MEIKIN: variants seen among roughly 807,000 people sequenced by gnomAD.
MEIKIN encodes meiotic kinetochore factor.
intron 11 of MEIKIN, among the ~76,000 whole-genome samples, chr5:131,842,282 G>A (rs1251684600): frequency 2.0e-5 from 3 of 152,050 alleles, no homozygotes; most frequent in Admixed American, 1.3e-4. Context: ...TTTTCAATGT[G>A]GATGCTTTTT....
chr5:131,890,134 T>C (rs1011085092), intron 8 of MEIKIN, among the ~76,000 whole-genome samples: 1 of 152,216 alleles, frequency 6.6e-6, no homozygotes, highest in African/African-American at 2.4e-5. Flanking sequence ...TTGAGGATTT[T>C]TGCGAAGGAT....
At chr5:131,927,459 T>C (rs1293936342) in intron 5 of MEIKIN, among the ~76,000 whole-genome samples, 2 of 152,224 alleles carry the variant, frequency 1.3e-5, no homozygotes, top group East Asian at 3.8e-4. Flanking sequence ...TAGAATGTTT[T>C]GTATACATGT....
chr5:131,833,876 G>A (rs981915372), intron 11 of MEIKIN, among the ~76,000 whole-genome samples: 3 of 152,138 alleles, frequency 2.0e-5, no homozygotes, highest in South Asian at 2.1e-4. Flanking sequence ...CAAGCTCTAC[G>A]AAGAAAATGT....
chr5:131,868,739 G>T (rs1271707661), intron 9 of MEIKIN, among the ~76,000 whole-genome samples: 1 of 151,038 alleles, frequency 6.6e-6, no homozygotes, highest in African/African-American at 2.4e-5. Flanking sequence ...AAAAAATGTT[G>T]CCCAGGCTTG....
intron 8 of MEIKIN, among the ~76,000 whole-genome samples, chr5:131,881,618 C>T (rs1383155452): frequency 6.6e-6 from 1 of 152,154 alleles, no homozygotes; most frequent in East Asian, 1.9e-4. Flanking sequence ...GCCTTCATGA[C>T]ATCTCCACTT....
At chr5:131,828,378 G>T (rs1006531923) in intron 11 of MEIKIN, among the ~76,000 whole-genome samples, 1 of 152,016 alleles carries the variant, frequency 6.6e-6, no homozygotes, top group Admixed American at 6.6e-5. Flanking sequence ...GCCCAGGCTG[G>T]TCTTGAACTC....
intron 11 of MEIKIN, among the ~76,000 whole-genome samples, chr5:131,846,054 T>A (rs1750013139): frequency 6.6e-6 from 1 of 152,200 alleles, no homozygotes; most frequent in Non-Finnish European, 1.5e-5. Flanking sequence ...ACACAAGGGA[T>A]CTTTATAAGA....
chr5:131,858,789 AAAG>A (rs1335268715), intron 9 of MEIKIN, among the ~76,000 whole-genome samples: 6 of 152,254 alleles, frequency 3.9e-5, no homozygotes, highest in Admixed American at 3.9e-4. Flanking sequence ...GACATTATCA[AAAG>A]AAGATATATG....
At chr5:131,809,121 C>A (rs1224609411) in intron 12 of MEIKIN, among the ~76,000 whole-genome samples, 1 of 152,164 alleles carries the variant, frequency 6.6e-6, no homozygotes, top group African/African-American at 2.4e-5. Flanking sequence ...ACATATCTGA[C>A]TTCCTCTATG....
At chr5:131,879,181 T>G (rs1750663446) in intron 8 of MEIKIN, 133 bp from the exon 9 acceptor site, 2 of 390,136 alleles carry the variant, frequency 5.1e-6, no homozygotes, top group Non-Finnish European at 9.0e-6. Flanking sequence ...TGACTGCACC[T>G]TTGTCAATAA....
chr5:131,923,544 T>A (rs984944748), intron 5 of MEIKIN, among the ~76,000 whole-genome samples: 1 of 151,048 alleles, frequency 6.6e-6, no homozygotes, highest in African/African-American at 2.4e-5. Context: ...TTTTTTCTTA[T>A]GATTTTTTTT....
In MEIKIN at chr5:131,925,054, T is replaced by A. The variant is rs1751565782; in HGVS notation, c.479-3113A>T. Among the ~76,000 whole-genome samples, 7 of 152,242 alleles carry A rather than the reference T, an allele frequency of 4.6e-5. No individual in the cohort carries two copies. In the South Asian group the frequency reaches 1.4e-3, roughly 32 times the overall value. On this transcript the variant is annotated intron_variant, in intron 5 of 12. Coordinates refer to ENST00000442687, the MANE Select transcript of MEIKIN (RefSeq NM_001303622.2). The stretch of plus-strand genomic sequence containing the variant: ...GTATGTGGATATTCAGTTTTCCCAA[T>A]AGCATTTGTTGAAGAAAGTATCCTT...
chr5:131,884,370 G>A (rs7735064), intron 8 of MEIKIN, among the ~76,000 whole-genome samples: 21,055 of 152,034 alleles, frequency 0.14, 3,784 homozygotes, highest in African/African-American at 0.42. Context: ...CAGCAGGGTA[G>A]GGTACCAGGA....
chr5:131,876,478 T>C (rs558856440), intron 9 of MEIKIN, among the ~76,000 whole-genome samples: 1,707 of 146,962 alleles, frequency 0.012, 23 homozygotes, highest in African/African-American at 0.04. Context: ...ATGGCGATCA[T>C]TAAAAAGTCA....
chr5:131,831,185 G>C (rs1450056828), intron 11 of MEIKIN, among the ~76,000 whole-genome samples: 1 of 152,158 alleles, frequency 6.6e-6, no homozygotes, highest in Non-Finnish European at 1.5e-5. Flanking sequence ...GGCATGAGTT[G>C]AAGAGGACTT....
intron 11 of MEIKIN, among the ~76,000 whole-genome samples, chr5:131,822,448 T>C (rs1034160486): frequency 2.0e-5 from 3 of 152,206 alleles, no homozygotes; most frequent in African/African-American, 7.2e-5. Flanking sequence ...TTTTTATTTT[T>C]TGTGTATCTG....
At chr5:131,879,925 T>C (rs1035802516) in intron 8 of MEIKIN, among the ~76,000 whole-genome samples, 3 of 152,160 alleles carry the variant, frequency 2.0e-5, no homozygotes, top group Admixed American at 6.5e-5. Context: ...TCAGCTTTTC[T>C]TTTTCTTTTT....
intron 9 of MEIKIN, among the ~76,000 whole-genome samples, chr5:131,870,223 A>C (rs1207695283): frequency 6.6e-6 from 1 of 152,214 alleles, no homozygotes; most frequent in African/African-American, 2.4e-5. Flanking sequence ...TAATATTTTT[A>C]ATGTAAATAA....
chr5:131,865,229 T>A (rs909189459), intron 9 of MEIKIN, among the ~76,000 whole-genome samples: 4 of 152,096 alleles, frequency 2.6e-5, no homozygotes, highest in African/African-American at 9.7e-5. Context: ...TTGTGATTTT[T>A]TTTTTTTTTA....
Sources: allele counts gnomAD v4.1 joint callset (sites outside exome capture counted in the v4.1 genomes callset), GRCh38; gene constraint gnomAD v4.1.1; transcripts MANE v1.5; gene names NCBI Gene and HGNC (gene_info 2026-07-23, HGNC 2026-07-21).